Variants in CACNA2D3 observed in about 807,000 individuals in gnomAD.
The protein encoded by CACNA2D3 is voltage-dependent calcium channel subunit alpha-2/delta-3.
Under a neutral mutation model 160.6 loss-of-function variants are expected in CACNA2D3, and 60 were observed. The observed-to-expected ratio is 0.37, with a 90% CI of 0.30 to 0.46. The LOEUF (loss-of-function observed/expected upper bound fraction) is 0.46, where lower values mean the gene tolerates loss of function less well. Ranked by LOEUF, CACNA2D3 falls within the 20% of genes least tolerant of loss-of-function variation. The pLI is 1.00. For missense variants in CACNA2D3, 1,205 were observed against 1,365.0 expected, an observed-to-expected ratio of 0.88 and a Z score of 1.85; for synonymous variants, 558 against 492.9, an observed-to-expected ratio of 1.13 and a Z score of -1.75.
intron 11 of CACNA2D3, among the ~76,000 whole-genome samples, chr3:54,739,320 C>T (rs751176257): frequency 2.7e-5 from 4 of 150,446 alleles, no homozygotes; most frequent in Admixed American, 6.7e-5. Context: ...CTTGGGAGGC[C>T]GAAGCGGGAG....
intron 11 of CACNA2D3, among the ~76,000 whole-genome samples, chr3:54,725,644 A>G (rs181687270): frequency 6.6e-6 from 1 of 152,298 alleles, no homozygotes; most frequent in East Asian, 1.9e-4. Flanking sequence ...ATCACAAAAT[A>G]AAACCAATCA....
At chr3:54,746,121 T>C (rs1382820212) in intron 11 of CACNA2D3, among the ~76,000 whole-genome samples, 1 of 152,192 alleles carries the variant, frequency 6.6e-6, no homozygotes, top group Non-Finnish European at 1.5e-5. Context: ...TCCTTTGGAG[T>C]CAACCTTCTT....
chr3:54,527,170 A>T (rs1249635862), intron 5 of CACNA2D3, among the ~76,000 whole-genome samples: 2 of 152,222 alleles, frequency 1.3e-5, no homozygotes, highest in Admixed American at 1.3e-4. Context: ...CTGTCCAGCA[A>T]ACTTACCAGC....
chr3:55,035,502 A>G (rs1703796662), intron 35 of CACNA2D3, among the ~76,000 whole-genome samples: 1 of 152,234 alleles, frequency 6.6e-6, no homozygotes, highest in African/African-American at 2.4e-5. Context: ...CTCAGGATGT[A>G]TAAAGTCACA....
At chr3:54,256,988 C>T (rs994360753) in intron 2 of CACNA2D3, among the ~76,000 whole-genome samples, 1 of 152,202 alleles carries the variant, frequency 6.6e-6, no homozygotes, top group Non-Finnish European at 1.5e-5. Flanking sequence ...TCCACTTGGA[C>T]TGATTTTCAG....
chr3:54,739,751 A>ATGTGTGTG (rs5849058), intron 11 of CACNA2D3, among the ~76,000 whole-genome samples: 1,785 of 145,890 alleles, frequency 0.012, 35 homozygotes, highest in African/African-American at 0.044. Flanking sequence ...CTCCTCATAT[A>ATGTGTGTG]TGTGTGTGTG....
chr3:54,985,553 T>C (rs1400782452), intron 30 of CACNA2D3, among the ~76,000 whole-genome samples: 1 of 152,244 alleles, frequency 6.6e-6, no homozygotes, highest in Non-Finnish European at 1.5e-5. Flanking sequence ...GTTCCTTAAC[T>C]TGTCTAGACC....
At chr3:54,769,386 T>G (rs554522117) in intron 13 of CACNA2D3, among the ~76,000 whole-genome samples, 5 of 152,128 alleles carry the variant, frequency 3.3e-5, no homozygotes, top group African/African-American at 1.2e-4. Context: ...ACCTGATGTT[T>G]TGTTGGTATT....
chr3:54,242,740 T>TTATTTTTGGAATTTCCCGTGTAA (rs1225876476), intron 2 of CACNA2D3, among the ~76,000 whole-genome samples: 5 of 152,284 alleles, frequency 3.3e-5, no homozygotes, highest in Middle Eastern at 3.4e-3. Flanking sequence ...TATGAATTGT[T>TTATTTTTGGAATTTCCCGTGTAA]TATTTTTGGA....
chr3:54,896,280 A>T (rs913098411), intron 25 of CACNA2D3, among the ~76,000 whole-genome samples: 2 of 152,142 alleles, frequency 1.3e-5, no homozygotes, highest in Non-Finnish European at 1.5e-5. Context: ...GTGGGCTCAC[A>T]TTTACTTCCT....
chr3:54,327,008 A>C (rs1704133755), intron 3 of CACNA2D3, among the ~76,000 whole-genome samples: 1 of 152,204 alleles, frequency 6.6e-6, no homozygotes, highest in Non-Finnish European at 1.5e-5. Flanking sequence ...ATTTAGAGCA[A>C]AAACCTCAAA....
At chr3:54,701,518 G>T (rs1180823853) in intron 11 of CACNA2D3, among the ~76,000 whole-genome samples, 1 of 152,090 alleles carries the variant, frequency 6.6e-6, no homozygotes, top group Non-Finnish European at 1.5e-5. Flanking sequence ...GTTTTAGGTT[G>T]TAGGAATACA....
chr3:54,925,150 A>T (rs1424026601), intron 27 of CACNA2D3: 9 of 1,613,954 alleles, frequency 5.6e-6, no homozygotes, highest in Non-Finnish European at 7.6e-6. Flanking sequence ...TGACAGTAAC[A>T]CTTGTCCGGG....
At chr3:54,609,309 A>C (rs1201301176) in intron 9 of CACNA2D3, among the ~76,000 whole-genome samples, 1 of 152,190 alleles carries the variant, frequency 6.6e-6, no homozygotes, top group East Asian at 1.9e-4. Context: ...CTAACCTCTA[A>C]AACTGTAAGA....
At chr3:54,977,821 A>T (rs1702424056) in intron 29 of CACNA2D3, among the ~76,000 whole-genome samples, 1 of 152,242 alleles carries the variant, frequency 6.6e-6, no homozygotes, top group South Asian at 2.1e-4. Flanking sequence ...AAGTCCACAG[A>T]GTAAACTGAA....
chr3:54,843,788 C>T (rs1459853862), intron 16 of CACNA2D3, among the ~76,000 whole-genome samples: 1 of 152,092 alleles, frequency 6.6e-6, no homozygotes, highest in Non-Finnish European at 1.5e-5. Context: ...TTGGAGCAAA[C>T]CTGGAGAAAA....
chr3:54,232,022 A>G (rs970813540), intron 2 of CACNA2D3, among the ~76,000 whole-genome samples: 4 of 152,240 alleles, frequency 2.6e-5, no homozygotes, highest in African/African-American at 9.6e-5. Flanking sequence ...ATTTAAGCAT[A>G]GGCATGTTTC....
rs532103659 is a variant in CACNA2D3 at position 54,780,436 on chromosome 3, T to C, written c.1380+16085T>C. Among the ~76,000 whole-genome samples the C allele has an allele frequency of 2.9e-3, 449 of 152,330 alleles. 28 individuals carry two copies. The South Asian group carries it at 0.09, about 30-fold the overall frequency. On this transcript the variant is annotated intron_variant, in intron 13 of 37. Coordinates refer to ENST00000474759, the MANE Select transcript of CACNA2D3 (RefSeq NM_018398.3). ...TATTGTTTATACTGTATTACTTGGGTCTGATGGAAAAGTTCCTAACAGTGG... is the reference window on the plus strand; with the variant it reads ...TATTGTTTATACTGTATTACTTGGGCCTGATGGAAAAGTTCCTAACAGTGG...
intron 29 of CACNA2D3, among the ~76,000 whole-genome samples, chr3:54,970,421 G>A (rs1415375301): frequency 1.7e-4 from 16 of 95,400 alleles, no homozygotes; most frequent in South Asian, 7.3e-4. Context: ...CTCTCTCTCC[G>A]TCTCCCTCCT....
Sources: gnomAD v4.1 joint callset for allele counts (sites outside exome capture counted in the v4.1 genomes callset) on GRCh38, gnomAD v4.1.1 for gene constraint, MANE v1.5 for transcripts, NCBI Gene and HGNC (gene_info 2026-07-23, HGNC 2026-07-21) for gene names.